MTA3: variants seen among roughly 807,000 people sequenced by gnomAD.
The protein encoded by MTA3 is metastasis associated 1 family member 3, also known as metastasis-associated protein MTA3.
MTA3 carries 34 observed loss-of-function variants against 83.5 expected under a neutral mutation model. The observed-to-expected ratio is 0.41, with a 90% CI of 0.31 to 0.54. The LOEUF (loss-of-function observed/expected upper bound fraction) is 0.54, where lower values mean the gene tolerates loss of function less well. Among genes scored for constraint, MTA3 ranks in the 20% least tolerant of loss-of-function variants. The pLI, the probability that MTA3 is intolerant of heterozygous loss-of-function variation, is 0.33. For missense variants in MTA3, 761 were observed against 726.4 expected (o/e 1.05, Z -0.55); for synonymous variants, 303 against 252.7 (o/e 1.20, Z -1.89).
intron 8 of MTA3, among the ~76,000 whole-genome samples, chr2:42,677,160 A>T (rs969905230): frequency 2.0e-5 from 3 of 152,120 alleles, no homozygotes; most frequent in Admixed American, 2.0e-4. Context: ...ATTATAAAAG[A>T]TATGTGACTG....
At chr2:42,560,847 C>T (rs1677642874) in intron 2 of MTA3, among the ~76,000 whole-genome samples, 1 of 152,130 alleles carries the variant, frequency 6.6e-6, no homozygotes, top group Non-Finnish European at 1.5e-5. Context: ...GTGGAGGTTG[C>T]AGTGAGCTGA....
At chr2:42,593,547 T>C (rs1330230282) in intron 3 of MTA3, among the ~76,000 whole-genome samples, 1 of 152,204 alleles carries the variant, frequency 6.6e-6, no homozygotes, top group Non-Finnish European at 1.5e-5. Context: ...ATAGTGTCAC[T>C]GGGCAGTTGG....
intron 2 of MTA3, among the ~76,000 whole-genome samples, chr2:42,508,396 A>G (rs1674734772): frequency 6.6e-6 from 1 of 152,030 alleles, no homozygotes; most frequent in African/African-American, 2.4e-5. Flanking sequence ...CAGTGGCACC[A>G]TCTCCACTCA....
intron 4 of MTA3, among the ~76,000 whole-genome samples, chr2:42,620,154 T>C (rs1685372183): frequency 6.6e-6 from 1 of 150,696 alleles, no homozygotes; most frequent in Non-Finnish European, 1.5e-5. Flanking sequence ...AGTCTTGCTC[T>C]GTCGCCCAGG....
intron 2 of MTA3, among the ~76,000 whole-genome samples, chr2:42,571,859 A>G (rs998161235): frequency 2.0e-5 from 3 of 151,874 alleles, no homozygotes; most frequent in African/African-American, 7.3e-5. Context: ...AGGCAGGAGA[A>G]TTGCTTGAAC....
intron 2 of MTA3, among the ~76,000 whole-genome samples, chr2:42,553,538 C>G (rs775971530): frequency 4.6e-5 from 7 of 151,066 alleles, no homozygotes; most frequent in Admixed American, 1.3e-4. Context: ...GAGTTCGAAA[C>G]CAGCCTGGCC....
chr2:42,756,748 A>AC lies in MTA3; in HGVS notation c.*3353dup. On this transcript the variant is annotated 3_prime_UTR_variant, in exon 17 of 17. Coordinates refer to ENST00000405094, the MANE Select transcript of MTA3 (RefSeq NM_001330442.2). ...AAGGCCATGTCCCAGTTTTCTGTCC[A>AC]CCCCTCCTGTTCCTCTGCACTATGT... 2.0e-5 allele frequency: 20 copies of AC among 985,038 alleles called. No individual in the cohort carries two copies. The highest frequency in any genetic ancestry group is 2.3e-5 in the Non-Finnish European group (19 of 829,850). 61.0% of individuals were successfully genotyped at this position (985,038 alleles called of 1,614,324 possible).
intron 4 of MTA3, among the ~76,000 whole-genome samples, chr2:42,610,742 C>T (rs1352496619): frequency 6.6e-6 from 1 of 152,038 alleles, no homozygotes; most frequent in Non-Finnish European, 1.5e-5. Context: ...ACTCAGCCTT[C>T]CAGAGAGTAT....
intron 3 of MTA3, among the ~76,000 whole-genome samples, chr2:42,596,891 T>C (rs1000572924): frequency 6.6e-6 from 1 of 152,098 alleles, no homozygotes; most frequent in East Asian, 1.9e-4. Flanking sequence ...GTAGCTAATC[T>C]AAAATTTTCC....
chr2:42,610,061 C>A (rs1383143820), intron 4 of MTA3, among the ~76,000 whole-genome samples: 3 of 152,134 alleles, frequency 2.0e-5, no homozygotes, highest in African/African-American at 7.2e-5. Context: ...CATCGTGCCA[C>A]TGCACTCCAG....
intron 4 of MTA3, among the ~76,000 whole-genome samples, chr2:42,638,515 G>T (rs1444545459): frequency 6.6e-6 from 1 of 151,612 alleles, no homozygotes; most frequent in African/African-American, 2.4e-5. Flanking sequence ...CGAGTAGCTG[G>T]GACTATGCCC....
intron 14 of MTA3, among the ~76,000 whole-genome samples, chr2:42,716,534 A>G (rs192434055): frequency 1.4e-4 from 22 of 152,210 alleles, no homozygotes; most frequent in African/African-American, 5.3e-4. Context: ...CTGTGCATCC[A>G]TGAGTTCTCA....
chr2:42,606,280 G>A (rs1479660632), intron 3 of MTA3, among the ~76,000 whole-genome samples: 44 of 147,730 alleles, frequency 3.0e-4, no homozygotes, highest in Admixed American at 2.8e-3. Context: ...GCTGCCGGGC[G>A]GAGACGCTCC....
At chr2:42,662,432 TAG>T (rs1232949949) in intron 8 of MTA3, among the ~76,000 whole-genome samples, 1 of 151,688 alleles carries the variant, frequency 6.6e-6, no homozygotes, top group African/African-American at 2.4e-5. Context: ...ATTTTGTGAA[TAG>T]AGTGAGGTAG....
chr2:42,705,706 C>T (rs1213838713), intron 12 of MTA3, among the ~76,000 whole-genome samples: 4 of 151,828 alleles, frequency 2.6e-5, no homozygotes, highest in Non-Finnish European at 5.9e-5. Context: ...ACATCGTCTC[C>T]CCCCCGCCCC....
At chr2:42,531,821 A>G (rs1315734736) in intron 2 of MTA3, among the ~76,000 whole-genome samples, 1 of 150,646 alleles carries the variant, frequency 6.6e-6, no homozygotes, top group Non-Finnish European at 1.5e-5. Context: ...CAGTGGCACA[A>G]TCTCGGCTCA....
chr2:42,632,273 G>T (rs1437064733), intron 4 of MTA3, among the ~76,000 whole-genome samples: 1 of 151,502 alleles, frequency 6.6e-6, no homozygotes, highest in Admixed American at 6.6e-5. Context: ...TGTATTTTTA[G>T]TAGAGACAGG....
chr2:42,621,989 T>C, intron 4 of MTA3, among the ~76,000 whole-genome samples: 1 of 149,054 alleles, frequency 6.7e-6, no homozygotes, highest in Non-Finnish European at 1.5e-5. Context: ...CGCTCCTCAC[T>C]TCCCAGACGG....
intron 16 of MTA3, among the ~76,000 whole-genome samples, chr2:42,738,803 C>T (rs1157408182): frequency 2.6e-5 from 4 of 152,296 alleles, no homozygotes; most frequent in Non-Finnish European, 5.9e-5. Flanking sequence ...CCCCCCAGGG[C>T]GTACCTGTTT....
Sources: gnomAD v4.1 joint callset for allele counts (sites outside exome capture counted in the v4.1 genomes callset) on GRCh38, gnomAD v4.1.1 for gene constraint, MANE v1.5 for transcripts, NCBI Gene and HGNC (gene_info 2026-07-23, HGNC 2026-07-21) for gene names.